TCF20: variants seen among roughly 807,000 people sequenced by gnomAD.
The protein encoded by TCF20 is SPRE-binding protein.
TCF20 carries 3 observed loss-of-function variants against 148.6 expected under a neutral mutation model. The observed-to-expected ratio is 0.02, with a 90% confidence interval of 0.01 to 0.05. The LOEUF is 0.05. Among genes scored for constraint, TCF20 ranks in the 10% least tolerant of loss-of-function variants. The pLI is 1.00. For missense variants in TCF20, 2,350 were observed against 2,429.3 expected (o/e 0.97, Z 0.69); for synonymous variants, 1,049 against 909.5 (o/e 1.15, Z -2.76).
intron 1 of TCF20, among the ~76,000 whole-genome samples, chr22:42,239,660 C>G (rs193187220): frequency 6.6e-6 from 1 of 151,880 alleles, no homozygotes; most frequent in Non-Finnish European, 1.5e-5. Flanking sequence ...TGGTGGTGCA[C>G]ACCTGTAATC....
In TCF20 at chr22:42,215,351, G is replaced by C. The variant is rs1277974637; in HGVS notation, c.-36-10C>G. On this transcript the variant is annotated splice_polypyrimidine_tract_variant and intron_variant, in intron 1 of 5. Transcript: ENST00000677622. ...CAGGCCAACAGCCCTCCTAGAAATA[G>C]AAGAAAGAAAAACATTAGACACGCA... 1.9e-6 allele frequency: 3 copies of C among 1,553,298 alleles called. No homozygotes were observed. The Admixed American group carries it at 5.9e-5, about 31-fold the overall frequency.
intron 1 of TCF20, among the ~76,000 whole-genome samples, chr22:42,238,933 C>T (rs542497433): frequency 2.9e-4 from 44 of 150,520 alleles, no homozygotes; most frequent in African/African-American, 9.5e-4. Context: ...CTGGCTAACA[C>T]GGTGAAACCC....
In TCF20 at chr22:42,211,060, G is replaced by A. The variant is rs1164348375; in HGVS notation, c.4246C>T (p.Leu1416=). Reference sequence around the variant, plus strand: ...AACTCCTGGTTTGCTGGACTGACTAGGTCCGAAGCCACCTCACCTTTTCTC... The same window carrying A: ...AACTCCTGGTTTGCTGGACTGACTAAGTCCGAAGCCACCTCACCTTTTCTC... The part of the protein sequence containing the change: ...EKRKGEVASD[L]VSPANQELHV... Residue 1416 remains leucine, a synonymous_variant, in exon 2 of 6, where the codon CTA becomes TTA. Coordinates refer to ENST00000677622, the MANE Select transcript of TCF20 (RefSeq NM_001378418.1). 1 of 1,614,126 alleles carries A rather than the reference G, an allele frequency of 6.2e-7. No homozygotes were observed. Among genetic ancestry groups the A allele is most frequent in the South Asian group, 1.1e-5 (1 of 91,080 alleles).
chr22:42,273,275 G>T (rs543532756), upstream of TCF20, among the ~76,000 whole-genome samples: 5 of 144,568 alleles, frequency 3.5e-5, no homozygotes, highest in East Asian at 8.3e-4. Flanking sequence ...CAGGAGAATC[G>T]CCTGAACCCT....
At chr22:42,169,729 G>T in intron 4 of TCF20, 118 bp downstream of exon 4, 3 of 1,027,280 alleles carry the variant, frequency 2.9e-6, no homozygotes, top group Non-Finnish European at 2.9e-6. Flanking sequence ...ACTAACAGCC[G>T]GAGGCACAGG....
chr22:42,338,224 C>G lies in TCF20; in HGVS notation c.-37+5255G>C, dbSNP rs761566157. On this transcript the variant is annotated intron_variant, in intron 1 of 1. Transcript: ENST00000515426. The surrounding 1 kb of genome is among the most constrained non-coding windows in gnomAD (Gnocchi z 4.0). ...GAGAAATCCCCTCGCAGCTGGGTCC[C>G]CAGTGCCCGCTCCGTGACAGCCCCA... Among the ~76,000 whole-genome samples the G allele has an allele frequency of 6.6e-6, 1 of 152,256 alleles. No individual in the cohort carries two copies. Among genetic ancestry groups the G allele is most frequent in the Non-Finnish European group, 1.5e-5 (1 of 68,048 alleles).
In TCF20 at chr22:42,161,263, CG is replaced by C; in HGVS notation, c.*139del. On this transcript the variant is annotated 3_prime_UTR_variant, in exon 6 of 6. Coordinates refer to ENST00000677622, the MANE Select transcript of TCF20 (RefSeq NM_001378418.1). The stretch of plus-strand genomic sequence containing the variant: ...GTGCTGGCATGGGCAGGCACGCGGG[CG>C]GGGCGGGGCGGGGCAGGGCAGGGTG... The C allele has an allele frequency of 8.1e-7, 1 of 1,236,398 alleles. No homozygotes were observed. The highest frequency in any genetic ancestry group is 1.1e-6 in the Non-Finnish European group (1 of 945,590). The allele number at this position is 1,236,398 out of a possible 1,614,324, so 76.6% of individuals were successfully genotyped here.
At chr22:42,222,741 T>C (rs147650276) in intron 1 of TCF20, among the ~76,000 whole-genome samples, 36 of 152,346 alleles carry the variant, frequency 2.4e-4, no homozygotes, top group Admixed American at 2.4e-3. Flanking sequence ...ATCCATGTGA[T>C]TTTCTCTACA....
At position 42,212,468 on chromosome 22, in the gene TCF20, TTTC is replaced by T. The variant is rs1427956969; in HGVS notation, c.2835_2837del (p.Lys946del). ...TAGGAGGATGGCAGTGGTCTCCAGATTTCTTGTTGTTGAAACTAGCTTGAGATT... is the reference window on the plus strand; with the variant it reads ...TAGGAGGATGGCAGTGGTCTCCAGATTTGTTGTTGAAACTAGCTTGAGATT... On this transcript the variant is annotated inframe_deletion, in exon 2 of 6. Transcript: ENST00000677622. 1.2e-6 allele frequency: 2 copies of T among 1,614,086 alleles called. No individual in the cohort carries two copies. The highest frequency in any genetic ancestry group is 1.7e-5 in the Admixed American group (1 of 60,006).
chr22:42,205,788 T>G (rs1000750327), intron 2 of TCF20, among the ~76,000 whole-genome samples: 4 of 152,204 alleles, frequency 2.6e-5, no homozygotes, highest in African/African-American at 9.6e-5. Context: ...TTATTTTTTT[T>G]AGAGATTGAA....
chr22:42,211,386 T>C lies in TCF20; in HGVS notation c.3920A>G (p.Asp1307Gly). The C allele has an allele frequency of 6.2e-7, 1 of 1,614,180 alleles. No homozygotes were observed. Among genetic ancestry groups the C allele is most frequent in the African/African-American group, 1.3e-5 (1 of 75,048 alleles). ...ATCTCTCTTAGGGATAGACTTGATA[T>C]CCTGACTGTGAGAAAGATGGGCATA... Reference protein sequence around the residue: ...NSYAHLSHSQDIKSIPKRDSS... With the variant: ...NSYAHLSHSQGIKSIPKRDSS... The change falls in exon 2 of 6, where the codon GAT becomes GGT. Residue 1307 changes from aspartate to glycine, a missense_variant. By Grantham distance (94) the Asp-to-Gly change is moderately conservative. Around this residue, in one of 7 missense-constraint regions of TCF20, gnomAD observed 1,641 missense variants for 1,662.6 expected, o/e 0.99. Coordinates refer to ENST00000677622, the MANE Select transcript of TCF20 (RefSeq NM_001378418.1).
intron 5 of TCF20, among the ~76,000 whole-genome samples, chr22:42,161,898 A>G (rs746215794): frequency 8.6e-5 from 13 of 151,256 alleles, no homozygotes; most frequent in Non-Finnish European, 1.8e-4. Context: ...CCTGGGCTCA[A>G]GCAATCCTCC....
intron 1 of TCF20, among the ~76,000 whole-genome samples, chr22:42,257,629 C>G (rs1925810211): frequency 6.6e-6 from 1 of 152,194 alleles, no homozygotes; most frequent in Non-Finnish European, 1.5e-5. Flanking sequence ...ACAGCCCTGA[C>G]TATAAGGACC....
intron 1 of TCF20, among the ~76,000 whole-genome samples, chr22:42,257,671 T>C (rs143756737): frequency 0.013 from 1,949 of 152,300 alleles, 39 homozygotes; most frequent in African/African-American, 0.044. Context: ...TTTGAAAATA[T>C]TCTGCAAGTC....
At chr22:42,192,055 C>T (rs1416691044) in intron 2 of TCF20, among the ~76,000 whole-genome samples, 1 of 152,150 alleles carries the variant, frequency 6.6e-6, no homozygotes, top group Non-Finnish European at 1.5e-5. Flanking sequence ...ACATTTTGTG[C>T]TTTCTGAATC....
chr22:42,315,122 G>C (rs561989720), intron 1 of TCF20, among the ~76,000 whole-genome samples: 2 of 152,210 alleles, frequency 1.3e-5, no homozygotes, highest in South Asian at 4.2e-4. Context: ...GCAGGGAGGG[G>C]GCAGACAGGA....
At chr22:42,240,996 C>T (rs1262153781) in intron 1 of TCF20, among the ~76,000 whole-genome samples, 1 of 152,052 alleles carries the variant, frequency 6.6e-6, no homozygotes, top group Non-Finnish European at 1.5e-5. Flanking sequence ...GCTGGGATTA[C>T]AAGCACCCGC....
chr22:42,198,665 GTTT>G (rs56309420), intron 2 of TCF20, among the ~76,000 whole-genome samples: 18 of 140,580 alleles, frequency 1.3e-4, no homozygotes, highest in Admixed American at 1.0e-3. Flanking sequence ...ATTTTTCCAA[GTTT>G]TTTTTTTTTT....
At chr22:42,233,504 T>C (rs1601633956) in intron 1 of TCF20, among the ~76,000 whole-genome samples, 1 of 152,222 alleles carries the variant, frequency 6.6e-6, no homozygotes, top group Non-Finnish European at 1.5e-5. Context: ...TTTGCTGACA[T>C]ACCACTCACC....
Sources: allele counts gnomAD v4.1 joint callset (sites outside exome capture counted in the v4.1 genomes callset), GRCh38; gene constraint gnomAD v4.1.1; regional missense constraint gnomAD v4.1.1; non-coding constraint Gnocchi (gnomAD v3.1); transcripts MANE v1.5; gene names NCBI Gene and HGNC (gene_info 2026-07-23, HGNC 2026-07-21).